RPA1: variants seen among roughly 807,000 people sequenced by gnomAD.
RPA1 encodes the protein replication protein A 70 kDa DNA-binding subunit.
In RPA1, 49 loss-of-function variants were observed where a neutral mutation model predicts 83.0. That is an observed-to-expected ratio of 0.59 (90% CI 0.47 to 0.75). The LOEUF (loss-of-function observed/expected upper bound fraction) is 0.75, where lower values mean the gene tolerates loss of function less well. RPA1 is among the 30% of genes least tolerant of loss of function. The probability of loss-of-function intolerance (pLI) is 0.00; values close to 1 mark genes in which losing one functional copy is unlikely to be tolerated. For synonymous variants in RPA1, 279 were observed against 281.8 expected (o/e 0.99, Z 0.10); for missense variants, 693 against 776.1 (o/e 0.89, Z 1.27).
At position 1,842,651 on chromosome 17, in the gene RPA1, C is replaced by T. The variant is rs55692632; in HGVS notation, c.34-152C>T. The T allele has an allele frequency of 2.3e-4, 147 of 646,620 alleles. No homozygotes were observed. In the African/African-American group the frequency reaches 2.5e-3, roughly 11 times the overall value. The allele number at this position is 646,620 out of a possible 1,614,324, so 40.1% of individuals were successfully genotyped here. A position where few individuals can be genotyped will look rare whatever the true frequency, so the allele number is the denominator to read the frequency against. ...CCCTCTTATCATTTTATGATTTGTC[C>T]AGAGTGATAAACTAGATGCTTCAGC... is the stretch of plus-strand genomic sequence containing the variant. On this transcript the variant is annotated intron_variant, in intron 1 of 16. Coordinates refer to ENST00000254719, the MANE Select transcript of RPA1 (RefSeq NM_002945.5).
rs369554369 is a variant in RPA1 at position 1,894,725 on chromosome 17, G to A, written c.1660-284G>A. ...TGGAGACACACTGTTCATGGGTGGC[G>A]ATTTGAAACTCTGCACATTAAGCAA... On this transcript the variant is annotated intron_variant, in intron 15 of 16. Coordinates refer to ENST00000254719, the MANE Select transcript of RPA1 (RefSeq NM_002945.5). Among the ~76,000 whole-genome samples the A allele has an allele frequency of 9.1e-4, 138 of 152,268 alleles. 1 individual carries two copies. The highest frequency in any genetic ancestry group is 1.4e-3 in the Non-Finnish European group (97 of 68,022).
intron 16 of RPA1, among the ~76,000 whole-genome samples, chr17:1,896,455 C>G (rs922904701): frequency 6.7e-6 from 1 of 149,880 alleles, no homozygotes; most frequent in African/African-American, 2.4e-5. Context: ...AACGCCCGTT[C>G]TTCTGCGACT....
chr17:1,854,925 T>C (rs1912633631), intron 5 of RPA1, among the ~76,000 whole-genome samples: 1 of 152,220 alleles, frequency 6.6e-6, no homozygotes, highest in Non-Finnish European at 1.5e-5. Flanking sequence ...TGGCTCGTTA[T>C]CTTTGTCTTG....
At chr17:1,890,168 G>A (rs970563634) in intron 14 of RPA1, among the ~76,000 whole-genome samples, 2 of 152,008 alleles carry the variant, frequency 1.3e-5, no homozygotes, top group African/African-American at 4.8e-5. Flanking sequence ...CTGGGAGTTC[G>A]ATATCAGCCT....
intron 5 of RPA1, among the ~76,000 whole-genome samples, chr17:1,869,599 A>G (rs1318734343): frequency 6.6e-6 from 1 of 152,186 alleles, no homozygotes; most frequent in Non-Finnish European, 1.5e-5. Flanking sequence ...TAAAGCTAGC[A>G]TAGAGCAAAA....
chr17:1,857,219 GT>G (rs1322277344), intron 5 of RPA1, among the ~76,000 whole-genome samples: 8 of 135,214 alleles, frequency 5.9e-5, no homozygotes, highest in Admixed American at 4.4e-4. Context: ...TTAGAAATGT[GT>G]TTAGTTTTTA....
At chr17:1,839,092 G>T (rs535110175) in intron 1 of RPA1, among the ~76,000 whole-genome samples, 1 of 152,044 alleles carries the variant, frequency 6.6e-6, no homozygotes, top group Non-Finnish European at 1.5e-5. Context: ...TGACCTCGTC[G>T]TGATCCACCT....
intron 5 of RPA1, among the ~76,000 whole-genome samples, chr17:1,863,910 T>A (rs1913080830): frequency 6.6e-6 from 1 of 152,184 alleles, no homozygotes; most frequent in Non-Finnish European, 1.5e-5. Context: ...GTGATATAAT[T>A]TATAGAAAAG....
rs1206075512 is a variant in RPA1, at chr17:1,900,049, A to T, written c.*2874A>T. The T allele has an allele frequency of 6.6e-6, 1 of 152,232 alleles. No homozygotes were observed. Among genetic ancestry groups the T allele is most frequent in the Non-Finnish European group, 1.5e-5 (1 of 68,042 alleles). 9.4% of individuals were successfully genotyped at this position (152,232 alleles called of 1,614,324 possible). A position where few individuals can be genotyped will look rare whatever the true frequency, so the allele number is the denominator to read the frequency against. ...GAGCATAGATGTTTAATTTTCACTT[A>T]TTCAAAAAAACTGGTATTTTTGTTA... On this transcript the variant is annotated 3_prime_UTR_variant, in exon 17 of 17. Transcript: ENST00000254719.
chr17:1,875,485 G>A (rs1345832690), intron 6 of RPA1, among the ~76,000 whole-genome samples, 176 bp from the exon 7 acceptor site: 1 of 152,130 alleles, frequency 6.6e-6, no homozygotes, highest in African/African-American at 2.4e-5. Context: ...GTAGCCTCCA[G>A]CCTCAGTCTC....
chr17:1,845,977 A>G (rs17338607), intron 4 of RPA1, among the ~76,000 whole-genome samples: 31,223 of 152,108 alleles, frequency 0.21, 3,380 homozygotes, highest in Admixed American at 0.24. Context: ...ATAAAAAATG[A>G]TAACAATACT....
chr17:1,880,406 T>G, intron 11 of RPA1, 137 bp from the exon 12 acceptor site: 15 of 805,558 alleles, frequency 1.9e-5, no homozygotes, highest in South Asian at 3.7e-5. Context: ...TTCTCATGTG[T>G]GAGGTCTGTC....
intron 5 of RPA1, among the ~76,000 whole-genome samples, chr17:1,859,218 T>C (rs1236356745): frequency 6.6e-6 from 1 of 152,206 alleles, no homozygotes; most frequent in Non-Finnish European, 1.5e-5. Flanking sequence ...TCTTATTTTA[T>C]GTCCAGATTA....
chr17:1,895,674 T>C (rs1914388734), intron 16 of RPA1, among the ~76,000 whole-genome samples: 1 of 146,754 alleles, frequency 6.8e-6, no homozygotes, highest in African/African-American at 2.5e-5. Flanking sequence ...TATTTATTTA[T>C]TTATTTATTT....
chr17:1,866,360 G>A (rs886250097), intron 5 of RPA1, among the ~76,000 whole-genome samples: 30 of 151,930 alleles, frequency 2.0e-4, no homozygotes, highest in African/African-American at 7.0e-4. Context: ...TGTCACCCAG[G>A]GTGGAGTGCA....
In RPA1 at chr17:1,872,436, C is replaced by T. The variant is rs1487064997; in HGVS notation, c.364C>T (p.Leu122Phe). The change falls in exon 6 of 17, where the codon CTC becomes TTC. Residue 122 changes from leucine to phenylalanine, a missense_variant and splice_region_variant. Physicochemically the swap from Leu to Phe is conservative, Grantham distance 22 (BLOSUM62 0). Coordinates refer to ENST00000254719, the MANE Select transcript of RPA1 (RefSeq NM_002945.5). ...GGGGTTTCCCTTTTGATCTTCAGGA[C>T]TCGGGCAGCCGCAAGTAGCTCCTCC... ...IGNPVPYNEG[L>F]GQPQVAPPAP... 1 of 1,613,802 alleles carries T rather than the reference C, an allele frequency of 6.2e-7. No homozygotes were observed. The highest frequency in any genetic ancestry group is 1.7e-5 in the Admixed American group (1 of 59,988).
intron 14 of RPA1, among the ~76,000 whole-genome samples, chr17:1,889,139 T>C (rs1208733343): frequency 1.3e-5 from 2 of 152,176 alleles, no homozygotes; most frequent in Non-Finnish European, 2.9e-5. Context: ...TAGACAGCAC[T>C]AATTGTACTT....
At chr17:1,873,679 A>T (rs1327322644) in intron 6 of RPA1, among the ~76,000 whole-genome samples, 1 of 151,872 alleles carries the variant, frequency 6.6e-6, no homozygotes, top group Non-Finnish European at 1.5e-5. Context: ...GGATCTATTT[A>T]TACACAACTC....
In RPA1 at chr17:1,894,412, C is replaced by T. The variant is rs188995246; in HGVS notation, c.1660-597C>T. On this transcript the variant is annotated intron_variant, in intron 15 of 16. Transcript: ENST00000254719. Reference sequence around the variant, plus strand: ...GAACTCCCAACCTCAAGTGATCCACCCGCTTCCGCTTCCCAAAGCGCTGGG... The same window carrying T: ...GAACTCCCAACCTCAAGTGATCCACTCGCTTCCGCTTCCCAAAGCGCTGGG... Among the ~76,000 whole-genome samples, 725 of 152,288 alleles carry T rather than the reference C, an allele frequency of 4.8e-3. 3 individuals carry two copies. The highest frequency in any genetic ancestry group is 8.1e-3 in the Non-Finnish European group (549 of 68,024).
Sources: allele counts gnomAD v4.1 joint callset (sites outside exome capture counted in the v4.1 genomes callset), GRCh38; gene constraint gnomAD v4.1.1; transcripts MANE v1.5; gene names NCBI Gene and HGNC (gene_info 2026-07-23, HGNC 2026-07-21).